The following MTARC1 variants were observed in gnomAD, a reference collection of about 807,000 sequenced individuals.
The protein encoded by MTARC1 is mitochondrial amidoxime-reducing component 1.
Under a neutral mutation model 33.6 loss-of-function variants are expected in MTARC1, and 24 were observed. That is an observed-to-expected ratio of 0.72 (90% CI 0.52 to 1.01). The LOEUF (loss-of-function observed/expected upper bound fraction) is 1.01. Ranked by LOEUF, MTARC1 falls within the 50% of genes least tolerant of loss-of-function variation. The pLI, the probability that MTARC1 is intolerant of heterozygous loss-of-function variation, is 0.00. For synonymous variants in MTARC1, 187 were observed against 189.5 expected, an observed-to-expected ratio of 0.99 and a Z score of 0.11; for missense variants, 417 against 445.7, an observed-to-expected ratio of 0.94 and a Z score of 0.58.
chr1:220,803,825 C>T (rs1172352960), intron 4 of MTARC1, among the ~76,000 whole-genome samples: 9 of 152,122 alleles, frequency 5.9e-5, no homozygotes, highest in African/African-American at 2.2e-4. Flanking sequence ...ATAGTGCCCC[C>T]TTGTGGAGAA....
At position 220,787,158 on chromosome 1, in the gene MTARC1, G is replaced by T. The variant is rs1478832084; in HGVS notation, c.214G>T (p.Val72Leu). 2.5e-6 allele frequency: 4 copies of T among 1,578,156 alleles called. No homozygotes were observed. The highest frequency in any genetic ancestry group is 1.2e-5 in the South Asian group (1 of 86,380). The change falls in exon 1 of 7, where the codon GTG becomes TTG. Residue 72 changes from valine (V) to leucine (L), a missense_variant. Physicochemically the swap from Val to Leu is conservative, Grantham distance 32. Transcript: ENST00000366910. ...CTACCCTGTGAAATCCTGCAAGGGG[G>T]TGCCGGTGAGCGAGGCGGAGTGCAC... ...WIYPVKSCKGVPVSEAECTAM... is the reference protein window; with the variant it reads ...WIYPVKSCKGLPVSEAECTAM...
At chr1:220,793,347 G>C (rs1672493033) in intron 2 of MTARC1, 1 of 152,096 alleles carries the variant, frequency 6.6e-6, no homozygotes, top group Non-Finnish European at 1.5e-5. Context: ...ATTTGAAATT[G>C]TGTTGAAACT....
intron 4 of MTARC1, among the ~76,000 whole-genome samples, chr1:220,804,432 G>T (rs1672906516): frequency 6.6e-6 from 1 of 152,138 alleles, no homozygotes; most frequent in African/African-American, 2.4e-5. Flanking sequence ...CTGCTGGATT[G>T]GAGGGCCTTG....
Position 220,818,372 on chromosome 1 carries a change from A to G in MTARC1, c.*4954A>G, listed in dbSNP as rs538657584. ...CCTGGACAGGCTGTAGGTTGTGTAA[A>G]GTAACAAAAAGGACTGAGAAGTGAC... is the stretch of plus-strand genomic sequence containing the variant. On this transcript the variant is annotated 3_prime_UTR_variant, in exon 7 of 7. Coordinates refer to ENST00000366910, the MANE Select transcript of MTARC1 (RefSeq NM_022746.4). 2.5e-4 allele frequency: 38 copies of G among 152,348 alleles called. No individual in the cohort carries two copies. Among genetic ancestry groups the G allele is most frequent in the African/African-American group, 8.7e-4 (36 of 41,582 alleles). 9.4% of individuals were successfully genotyped at this position (152,348 alleles called of 1,614,324 possible). A position where few individuals can be genotyped will look rare whatever the true frequency, so the allele number is the denominator to read the frequency against.
Position 220,817,012 on chromosome 1 carries a change from AC to A in MTARC1, c.*3596del, listed in dbSNP as rs1230810603. ...CAATACCTGTGATGTAAGTTACAAA[AC>A]CACCTGTGATGAAAGTGCTCCAGGA... On this transcript the variant is annotated 3_prime_UTR_variant, in exon 7 of 7. Coordinates refer to ENST00000366910, the MANE Select transcript of MTARC1 (RefSeq NM_022746.4). The A allele has an allele frequency of 3.3e-5, 5 of 151,718 alleles. No homozygotes were observed. The highest frequency in any genetic ancestry group is 5.9e-5 in the Non-Finnish European group (4 of 68,004). The allele number at this position is 151,718 out of a possible 1,614,324, so 9.4% of individuals were successfully genotyped here. A position where few individuals can be genotyped will look rare whatever the true frequency, so the allele number is the denominator to read the frequency against.
Position 220,791,497 on chromosome 1 carries a change from G to A in MTARC1, c.282G>A (p.Trp94Ter). ...TGTGTTTTGAAAACGGCAGGTTTTG[G>A]CTTGTGATCAACCAGGAGGGAAACA... ...LRSGNLRDRF[W>*]LVINQEGNMV... The change falls in exon 2 of 7, where the codon TGG becomes TGA. Residue 94 changes from tryptophan (W) to a stop codon, truncating the protein, a stop_gained. Coordinates refer to ENST00000366910, the MANE Select transcript of MTARC1 (RefSeq NM_022746.4). LOFTEE classifies it high-confidence loss of function. 6.2e-7 allele frequency: 1 copy of A among 1,613,896 alleles called. No individual in the cohort carries two copies. The highest frequency in any genetic ancestry group is 1.7e-5 in the Admixed American group (1 of 60,008).
chr1:220,788,234 A>G (rs894783551), intron 1 of MTARC1, among the ~76,000 whole-genome samples: 10 of 152,186 alleles, frequency 6.6e-5, no homozygotes, highest in African/African-American at 2.4e-4. Flanking sequence ...CCTGGGGTTC[A>G]GCGAAGGCTG....
intron 4 of MTARC1, chr1:220,799,215 C>G: frequency 1.0e-6 from 1 of 970,092 alleles, no homozygotes; most frequent in Non-Finnish European, 1.2e-6. Context: ...ATAAAATACT[C>G]ATTGCTCCAA....
At chr1:220,794,680 T>C (rs1390501069) in intron 2 of MTARC1, among the ~76,000 whole-genome samples, 1 of 152,152 alleles carries the variant, frequency 6.6e-6, no homozygotes, top group Non-Finnish European at 1.5e-5. Flanking sequence ...TTTGGGTATG[T>C]TTATTTTATT....
intron 5 of MTARC1, 30 bp downstream of exon 5, chr1:220,805,143 G>A: frequency 6.2e-7 from 1 of 1,614,062 alleles, no homozygotes; most frequent in South Asian, 1.1e-5. Context: ...CTGTGGGGTG[G>A]AGGTGGGGAT....
At chr1:220,809,952 G>A (rs534354120) in intron 6 of MTARC1, among the ~76,000 whole-genome samples, 1 of 152,338 alleles carries the variant, frequency 6.6e-6, no homozygotes, top group African/African-American at 2.4e-5. Context: ...CAGTGAATGC[G>A]TAAACCAGGC....
chr1:220,799,099 CT>C (rs1407157896), intron 4 of MTARC1: 2 of 985,350 alleles, frequency 2.0e-6, no homozygotes, highest in Non-Finnish European at 1.2e-6. Context: ...CCTTAAGGGT[CT>C]GTTGAAGGGT....
chr1:220,811,420 C>G (rs768054627), intron 6 of MTARC1, among the ~76,000 whole-genome samples: 1 of 152,232 alleles, frequency 6.6e-6, no homozygotes, highest in Admixed American at 6.5e-5. Flanking sequence ...GAGAATGCAA[C>G]AGAGAACAAA....
At chr1:220,801,111 GATGGGATCCTT>G (rs1205425819) in intron 4 of MTARC1, among the ~76,000 whole-genome samples, 5 of 152,170 alleles carry the variant, frequency 3.3e-5, no homozygotes, top group African/African-American at 1.2e-4. Flanking sequence ...TCAAGTAAAA[GATGGGATCCTT>G]ATGGATTGCC....
At position 220,798,562 on chromosome 1, in the gene MTARC1, G is replaced by T. The variant is rs529002351; in HGVS notation, c.753+548G>T. The T allele has an allele frequency of 7.2e-5, 71 of 985,402 alleles. No homozygotes were observed. In the African/African-American group the frequency reaches 1.2e-3, roughly 16 times the overall value. The allele number at this position is 985,402 out of a possible 1,614,324, so 61.0% of individuals were successfully genotyped here. A position where few individuals can be genotyped will look rare whatever the true frequency, so the allele number is the denominator to read the frequency against. Reference sequence around the variant, plus strand: ...TGAACAGCCCTGAGGCTTGGTTTCTGGGATTCCACAGGATTCTGGCAGCAA... The same window carrying T: ...TGAACAGCCCTGAGGCTTGGTTTCTTGGATTCCACAGGATTCTGGCAGCAA... On this transcript the variant is annotated intron_variant, in intron 4 of 6. Coordinates refer to ENST00000366910, the MANE Select transcript of MTARC1 (RefSeq NM_022746.4).
intron 4 of MTARC1, among the ~76,000 whole-genome samples, chr1:220,803,868 C>T (rs17008808): frequency 2.0e-5 from 3 of 152,064 alleles, no homozygotes; most frequent in Admixed American, 1.3e-4. Context: ...CTGTGCTAAT[C>T]CGCTGTGCCC....
rs1186281520 is a variant in MTARC1 at position 220,796,358 on chromosome 1, T to C, written c.450-285T>C. Among the ~76,000 whole-genome samples, 3 of 152,190 alleles carry C rather than the reference T, an allele frequency of 2.0e-5. No homozygotes were observed. The East Asian group carries it at 5.8e-4, about 29-fold the overall frequency. On this transcript the variant is annotated intron_variant, in intron 2 of 6. Coordinates refer to ENST00000366910, the MANE Select transcript of MTARC1 (RefSeq NM_022746.4). ...GGAGAACTCAGTACATTTTTAAATA[T>C]ATTATTTCATTTCATCCTCCCTGCA...
At chr1:220,799,606 A>G (rs1672723645) in intron 4 of MTARC1, among the ~76,000 whole-genome samples, 1 of 152,204 alleles carries the variant, frequency 6.6e-6, no homozygotes, top group African/African-American at 2.4e-5. Context: ...GGATAAAGCT[A>G]TCATTCCTAT....
At chr1:220,792,787 A>G (rs1339131236) in intron 2 of MTARC1, among the ~76,000 whole-genome samples, 2 of 152,132 alleles carry the variant, frequency 1.3e-5, no homozygotes, top group African/African-American at 4.8e-5. Context: ...TTGTTTATAT[A>G]CTTAAATTGA....
Sources: gnomAD v4.1 joint callset for allele counts (sites outside exome capture counted in the v4.1 genomes callset) on GRCh38, gnomAD v4.1.1 for gene constraint, MANE v1.5 for transcripts, NCBI Gene and HGNC (gene_info 2026-07-23, HGNC 2026-07-21) for gene names.